The following SYNE3 variants were observed in gnomAD, a reference collection of about 807,000 sequenced individuals.
SYNE3 encodes the protein nesprin-3.
SYNE3 carries 100 observed loss-of-function variants against 111.2 expected under a neutral mutation model. That is an observed-to-expected ratio of 0.90 (90% CI 0.77 to 1.06). SYNE3 has a LOEUF of 1.06. Ranked by LOEUF, SYNE3 falls within the 50% of genes least tolerant of loss-of-function variation. The pLI, the probability that SYNE3 is intolerant of heterozygous loss-of-function variation, is 0.00. For missense variants in SYNE3, 1,160 were observed against 1,240.3 expected, an observed-to-expected ratio of 0.94 and a Z score of 0.97; for synonymous variants, 547 against 533.9, an observed-to-expected ratio of 1.02 and a Z score of -0.34.
chr14:95,477,247 G>A (rs1441079240), intron 1 of SYNE3, among the ~76,000 whole-genome samples: 1 of 152,190 alleles, frequency 6.6e-6, no homozygotes, highest in Non-Finnish European at 1.5e-5. Flanking sequence ...ATCAAGTCAG[G>A]GCTGTGTGCA....
chr14:95,439,715 T>C lies in SYNE3; in HGVS notation c.2143A>G (p.Met715Val), dbSNP rs1886300264. The change falls in exon 13 of 18, where the codon ATG (methionine) becomes GTG (valine). Residue 715 changes from methionine (M) to valine (V), a missense_variant. Met to Val is a conservative substitution (Grantham distance 21, BLOSUM62 1). Coordinates refer to ENST00000682763, the MANE Select transcript of SYNE3 (RefSeq NM_152592.6). The stretch of plus-strand genomic sequence containing the variant: ...GCACCCTCCGGAGAAGACTTCTCCA[T>C]CACCAGCCAGCCCTGCGCTTCCACC... ...SLVEAQGWLV[M>V]EKSSPEGAAV... The C allele has an allele frequency of 6.2e-7, 1 of 1,614,186 alleles. No homozygotes were observed. Among genetic ancestry groups the C allele is most frequent in the South Asian group, 1.1e-5 (1 of 91,082 alleles).
chr14:95,427,404 G>A (rs1017011294), intron 17 of SYNE3, among the ~76,000 whole-genome samples: 11 of 152,132 alleles, frequency 7.2e-5, no homozygotes, highest in African/African-American at 1.9e-4. Context: ...GCAGTTATCC[G>A]GAGGCCTAAC....
In SYNE3 at chr14:95,466,238, C is replaced by T. The variant is rs749830184; in HGVS notation, c.320G>A (p.Arg107His). 5.8e-6 allele frequency: 9 copies of T among 1,560,988 alleles called. No individual in the cohort carries two copies. In the East Asian group the frequency reaches 6.8e-5, roughly 12 times the overall value. ...CCAGTGCAGCCACACCCACTCGATG[C>T]GGCTGTGGGCACAGAGACCTCAAGG... ...TVTYMTHCHS[R>H]IEWVWLHWSE... The change falls in exon 4 of 18, where the codon CGC becomes CAC. Residue 107 changes from arginine (R) to histidine (H), a missense_variant and splice_region_variant. Transcript: ENST00000682763.
At chr14:95,453,474 G>A (rs182354364) in intron 6 of SYNE3, among the ~76,000 whole-genome samples, 4 of 152,188 alleles carry the variant, frequency 2.6e-5, no homozygotes, top group Non-Finnish European at 1.5e-5. Context: ...GGGCAATAGG[G>A]GCCACTATGT....
intron 9 of SYNE3, among the ~76,000 whole-genome samples, chr14:95,445,128 T>A (rs564749286): frequency 6.6e-6 from 1 of 152,108 alleles, no homozygotes; most frequent in African/African-American, 2.4e-5. Flanking sequence ...AAGCTGTGAG[T>A]GTTTGAGGGT....
intron 1 of SYNE3, among the ~76,000 whole-genome samples, chr14:95,495,530 G>A (rs1890053004): frequency 6.6e-6 from 1 of 152,226 alleles, no homozygotes. Flanking sequence ...TGTGTGCCAG[G>A]CACTGGGCAG....
chr14:95,450,294 T>C, intron 7 of SYNE3, 189 bp from the exon 8 acceptor site: 1 of 692,722 alleles, frequency 1.4e-6, no homozygotes, highest in Non-Finnish European at 2.4e-6. Context: ...CTTTGATTAA[T>C]ATCACTATGA....
intron 1 of SYNE3, among the ~76,000 whole-genome samples, chr14:95,484,967 C>T (rs528437363): frequency 6.6e-6 from 1 of 152,236 alleles, no homozygotes; most frequent in South Asian, 2.1e-4. Context: ...GGATCCCACC[C>T]CCAATTTATA....
chr14:95,465,325 C>T (rs1888093942), intron 4 of SYNE3, among the ~76,000 whole-genome samples: 1 of 127,502 alleles, frequency 7.8e-6, no homozygotes, highest in Admixed American at 8.5e-5. Context: ...CACTGGGTAT[C>T]TGGACGGTAG....
rs201418759 is a variant in SYNE3, at chr14:95,467,855, C to T, written c.257G>A (p.Arg86Gln). The change falls in exon 3 of 18, where the codon CGG becomes CAG. Residue 86 changes from arginine (R) to glutamine (Q), a missense_variant. Coordinates refer to ENST00000682763, the MANE Select transcript of SYNE3 (RefSeq NM_152592.6). ...CCATTGGGCCTTGATGTCCTTCAGC[C>T]GGGCCAGGATCCCGGGCTTCTGGTC... ...PGDQKPGILA[R>Q]LKDIKAQWEE... 102 of 1,614,174 alleles carry T rather than the reference C, an allele frequency of 6.3e-5. 1 individual carries two copies. In the South Asian group the frequency reaches 6.5e-4, roughly 10 times the overall value.
chr14:95,409,755 G>A lies in SYNE3; in HGVS notation c.*8071C>T, dbSNP rs1172342095. ...CATACACAGAAGCTAAGGGAGAAACGACAGCTGGTTTTAAGTCCTCTTTGA... is the reference window on the plus strand; with the variant it reads ...CATACACAGAAGCTAAGGGAGAAACAACAGCTGGTTTTAAGTCCTCTTTGA... On this transcript the variant is annotated 3_prime_UTR_variant, in exon 18 of 18. Coordinates refer to ENST00000682763, the MANE Select transcript of SYNE3 (RefSeq NM_152592.6). The A allele has an allele frequency of 8.0e-6, 2 of 250,594 alleles. No homozygotes were observed. The highest frequency in any genetic ancestry group is 1.6e-5 in the Non-Finnish European group (2 of 126,344). The allele number at this position is 250,594 out of a possible 1,614,324, so 15.5% of individuals were successfully genotyped here. A position where few individuals can be genotyped will look rare whatever the true frequency, so the allele number is the denominator to read the frequency against.
intron 1 of SYNE3, among the ~76,000 whole-genome samples, chr14:95,491,337 G>C (rs1314369776): frequency 6.6e-6 from 1 of 152,146 alleles, no homozygotes; most frequent in Non-Finnish European, 1.5e-5. Flanking sequence ...TCAGTGTAGA[G>C]TGATGGCCAA....
chr14:95,443,420 A>T (rs1886520362), intron 10 of SYNE3, 131 bp from the exon 11 acceptor site: 5 of 1,171,384 alleles, frequency 4.3e-6, no homozygotes, highest in Admixed American at 2.8e-5. Flanking sequence ...GGGCTCTTTC[A>T]TACCAGCGGA....
chr14:95,488,820 C>T (rs1420596377), intron 1 of SYNE3, among the ~76,000 whole-genome samples: 2 of 152,072 alleles, frequency 1.3e-5, no homozygotes, highest in African/African-American at 4.8e-5. Context: ...GTGTGAATTC[C>T]AATTCCTGCA....
At chr14:95,419,253 C>T (rs1319031136) in intron 17 of SYNE3, among the ~76,000 whole-genome samples, 1 of 152,112 alleles carries the variant, frequency 6.6e-6, no homozygotes, top group Non-Finnish European at 1.5e-5. Flanking sequence ...ACTGGGTCCC[C>T]ACCCAGACTC....
intron 2 of SYNE3, among the ~76,000 whole-genome samples, chr14:95,472,634 G>A (rs750860536): frequency 2.6e-5 from 4 of 152,166 alleles, no homozygotes; most frequent in African/African-American, 4.8e-5. Context: ...CTCCCCGGAA[G>A]CAAGCTGAAG....
chr14:95,440,619 T>C (rs1023357417), intron 11 of SYNE3, among the ~76,000 whole-genome samples: 1 of 152,218 alleles, frequency 6.6e-6, no homozygotes, highest in Admixed American at 6.5e-5. Context: ...TATAACCACA[T>C]GCAATACAGC....
At chr14:95,486,250 G>C (rs887550615) in intron 1 of SYNE3, among the ~76,000 whole-genome samples, 1 of 151,926 alleles carries the variant, frequency 6.6e-6, no homozygotes, top group Non-Finnish European at 1.5e-5. Flanking sequence ...TGGCCCAGTG[G>C]GGCAGTGCCA....
intron 1 of SYNE3, among the ~76,000 whole-genome samples, chr14:95,489,522 T>G (rs1329101959): frequency 1.3e-5 from 2 of 152,254 alleles, no homozygotes; most frequent in Admixed American, 1.3e-4. Context: ...ACACAGTAAG[T>G]GCTCACACAC....
Sources: gnomAD v4.1 joint callset for allele counts (sites outside exome capture counted in the v4.1 genomes callset) on GRCh38, gnomAD v4.1.1 for gene constraint, MANE v1.5 for transcripts, NCBI Gene and HGNC (gene_info 2026-07-23, HGNC 2026-07-21) for gene names.